NRXN1: variants seen among roughly 807,000 people sequenced by gnomAD.
The protein encoded by NRXN1 is neurexin-1.
NRXN1 carries 39 observed loss-of-function variants against 150.9 expected under a neutral mutation model. The observed-to-expected ratio is 0.26, with a 90% CI of 0.20 to 0.34. NRXN1 has a LOEUF of 0.34. Among genes scored for constraint, NRXN1 ranks in the 10% least tolerant of loss-of-function variants. The pLI is 1.00. For synonymous variants in NRXN1, 924 were observed against 757.0 expected (o/e 1.22, Z -3.62); for missense variants, 1,815 against 1,949.9 (o/e 0.93, Z 1.30).
intron 19 of NRXN1, among the ~76,000 whole-genome samples, chr2:50,079,564 TG>T (rs1697628496): frequency 6.6e-6 from 1 of 152,130 alleles, no homozygotes; most frequent in African/African-American, 2.4e-5. Flanking sequence ...TTGTTATATC[TG>T]AGGTACTTTA....
intron 22 of NRXN1, among the ~76,000 whole-genome samples, chr2:49,924,913 GATTA>G (rs1375485835): frequency 1.4e-4 from 21 of 152,128 alleles, no homozygotes; most frequent in Admixed American, 1.2e-3. Context: ...ATATCTAACT[GATTA>G]ATTAATATTC....
At chr2:50,028,674 A>G (rs1011395876) in intron 21 of NRXN1, among the ~76,000 whole-genome samples, 1 of 152,246 alleles carries the variant, frequency 6.6e-6, no homozygotes, top group Admixed American at 6.5e-5. Context: ...GTATGCAACA[A>G]ATGAGCCATC....
At chr2:50,165,153 G>C (rs922163465) in intron 18 of NRXN1, among the ~76,000 whole-genome samples, 4 of 152,142 alleles carry the variant, frequency 2.6e-5, no homozygotes, top group African/African-American at 9.7e-5. Flanking sequence ...GTGGGTAACT[G>C]AGCTTCATGT....
chr2:50,329,954 G>A (rs1310512963), intron 17 of NRXN1, among the ~76,000 whole-genome samples: 6 of 151,664 alleles, frequency 4.0e-5, no homozygotes, highest in Admixed American at 2.0e-4. Context: ...TTACAGGCGT[G>A]AGCCACTGCA....
At chr2:50,787,546 A>G (rs929894852) in intron 5 of NRXN1, among the ~76,000 whole-genome samples, 1 of 151,896 alleles carries the variant, frequency 6.6e-6, no homozygotes, top group Non-Finnish European at 1.5e-5. Context: ...AACAAGACCG[A>G]AACTCCATCT....
At chr2:50,521,910 GA>G (rs1351557552) in intron 12 of NRXN1, among the ~76,000 whole-genome samples, 7 of 152,224 alleles carry the variant, frequency 4.6e-5, no homozygotes, top group South Asian at 2.1e-4. Flanking sequence ...GGGGCGACCT[GA>G]ACTGAAAGAT....
intron 21 of NRXN1, among the ~76,000 whole-genome samples, chr2:50,042,856 T>C (rs951825738): frequency 6.6e-6 from 1 of 152,166 alleles, no homozygotes; most frequent in Non-Finnish European, 1.5e-5. Context: ...TGCTTGGGGT[T>C]GTTCAGGAAA....
chr2:50,652,656 C>T (rs1440077580), intron 5 of NRXN1, among the ~76,000 whole-genome samples: 1 of 152,052 alleles, frequency 6.6e-6, no homozygotes, highest in African/African-American at 2.4e-5. Flanking sequence ...ATGCTGTGAA[C>T]ATCTGTGAAC....
chr2:50,603,560 G>A (rs1389367795), intron 8 of NRXN1, among the ~76,000 whole-genome samples: 1 of 152,160 alleles, frequency 6.6e-6, no homozygotes, highest in African/African-American at 2.4e-5. Context: ...CAAGGAGATG[G>A]TAGTGGTAGA....
chr2:50,421,469 C>A (rs2083993817), intron 17 of NRXN1, among the ~76,000 whole-genome samples: 1 of 152,000 alleles, frequency 6.6e-6, no homozygotes, highest in Non-Finnish European at 1.5e-5. Context: ...TCAGGATATT[C>A]AAAAGAATCA....
intron 17 of NRXN1, among the ~76,000 whole-genome samples, chr2:50,274,929 C>A (rs2070240216): frequency 6.6e-6 from 1 of 152,144 alleles, no homozygotes; most frequent in Non-Finnish European, 1.5e-5. Flanking sequence ...ATACTTAACT[C>A]ACATTAGAAG....
intron 8 of NRXN1, chr2:50,616,454 T>C (rs1366765778): frequency 6.6e-6 from 1 of 152,224 alleles, no homozygotes; most frequent in African/African-American, 2.4e-5. Context: ...TATGAGATTA[T>C]AGGTTGTTTC....
intron 21 of NRXN1, among the ~76,000 whole-genome samples, chr2:49,960,578 T>C (rs1244122849): frequency 6.6e-6 from 1 of 152,184 alleles, no homozygotes; most frequent in East Asian, 1.9e-4. Context: ...TTAAAGATGT[T>C]GCATTAAAGC....
chr2:49,966,015 C>G (rs2152489208), intron 21 of NRXN1, among the ~76,000 whole-genome samples: 1 of 152,220 alleles, frequency 6.6e-6, no homozygotes, highest in East Asian at 1.9e-4. Context: ...TTACGAATAC[C>G]AGAGAGAAAA....
rs888290252 is a variant in NRXN1, at chr2:50,519,365, T to C, written c.2374+9260A>G. On this transcript the variant is annotated intron_variant, in intron 12 of 22. Coordinates refer to ENST00000401669, the MANE Select transcript of NRXN1 (RefSeq NM_001330078.2). ...TGAATTCTATGATTCTCTTTGACCA[T>C]TTATTTTAGTAATTGAAAAATATTG... Among the ~76,000 whole-genome samples the C allele has an allele frequency of 2.0e-5, 3 of 152,120 alleles. No individual in the cohort carries two copies. In the South Asian group the frequency reaches 6.2e-4, roughly 31 times the overall value.
At chr2:50,649,251 T>TACACATACACAC (rs1284650257) in intron 5 of NRXN1, among the ~76,000 whole-genome samples, 856 of 79,542 alleles carry the variant, frequency 0.011, 11 homozygotes, top group African/African-American at 0.036. Context: ...TATACACACA[T>TACACATACACAC]ACACACATAC....
intron 17 of NRXN1, among the ~76,000 whole-genome samples, chr2:50,419,841 C>T (rs1161330575): frequency 6.6e-6 from 1 of 152,028 alleles, no homozygotes; most frequent in African/African-American, 2.4e-5. Context: ...CTTAAATAGA[C>T]ACACTTCTTT....
intron 5 of NRXN1, among the ~76,000 whole-genome samples, chr2:50,878,393 T>C (rs535841114): frequency 6.6e-6 from 1 of 151,866 alleles, no homozygotes; most frequent in Non-Finnish European, 1.5e-5. Context: ...AGGCAGTTCT[T>C]TTGATCAATT....
chr2:50,554,122 C>G (rs1268978756), intron 8 of NRXN1, among the ~76,000 whole-genome samples: 2 of 151,820 alleles, frequency 1.3e-5, no homozygotes, highest in Admixed American at 6.6e-5. Flanking sequence ...TTGCTAGACT[C>G]TAGATTTATT....
Sources: allele counts gnomAD v4.1 joint callset (sites outside exome capture counted in the v4.1 genomes callset), GRCh38; gene constraint gnomAD v4.1.1; transcripts MANE v1.5; gene names NCBI Gene and HGNC (gene_info 2026-07-23, HGNC 2026-07-21).